MGST2: variants seen among roughly 807,000 people sequenced by gnomAD.
MGST2 encodes glutathione peroxidase MGST2.
A neutral mutation model predicts 16.6 loss-of-function variants in MGST2; 9 were observed. The observed-to-expected ratio is 0.54, with a 90% CI of 0.33 to 0.95. The LOEUF (loss-of-function observed/expected upper bound fraction) is 0.95. Among genes scored for constraint, MGST2 ranks in the 40% least tolerant of loss-of-function variants. The probability of loss-of-function intolerance (pLI) is 0.03; values close to 1 mark genes in which losing one functional copy is unlikely to be tolerated. For missense variants in MGST2, 159 were observed against 175.1 expected, an observed-to-expected ratio of 0.91 and a Z score of 0.52; for synonymous variants, 79 against 68.0, an observed-to-expected ratio of 1.16 and a Z score of -0.79.
chr4:139,735,892 C>T lies in MGST2; in HGVS notation c.*49-4320C>T, dbSNP rs1448711003. 6.6e-6 allele frequency among the ~76,000 whole-genome samples: 1 copy of T among 151,712 alleles called. No individual in the cohort carries two copies. ...GCGCTCGGGAGACCCGCGAGGGGCC[C>T]TGGAGGTCCTCGGCCCGCGCGCGCC... On this transcript the variant is annotated intron_variant, in intron 5 of 5. Transcript: ENST00000616265. The surrounding 1 kb of genome is among the most constrained non-coding windows in gnomAD (Gnocchi z 5.8).
At chr4:139,728,372 C>T (rs1728563100) in intron 5 of MGST2, among the ~76,000 whole-genome samples, 1 of 152,236 alleles carries the variant, frequency 6.6e-6, no homozygotes, top group Admixed American at 6.5e-5. Flanking sequence ...TTCGCTGACA[C>T]CAGGGCCACG....
Position 139,704,117 on chromosome 4 carries a change from A to T in MGST2, c.413A>T (p.Asn138Ile). ...NSFLDEYLDL[N>I]IAKKLRRQF ...TTTCTGGATGAATATCTGGACCTCA[A>T]TATTGCCAAGAAACTGAGGCGGCAA... The change falls in exon 5 of 5, where the codon AAT becomes ATT. Residue 138 changes from asparagine to isoleucine, a missense_variant. Asn to Ile is a moderately radical substitution (Grantham distance 149). Transcript: ENST00000265498. The T allele has an allele frequency of 6.2e-7, 1 of 1,614,168 alleles. No homozygotes were observed. The highest frequency in any genetic ancestry group is 8.5e-7 in the Non-Finnish European group (1 of 1,180,040).
chr4:139,725,605 G>A, intron 5 of MGST2: 1 of 791,626 alleles, frequency 1.3e-6, no homozygotes, highest in South Asian at 1.5e-5. Flanking sequence ...ATTCTGATTG[G>A]TTAGTACTCT....
At chr4:139,669,360 C>A (rs1730543962) in intron 1 of MGST2, among the ~76,000 whole-genome samples, 1 of 152,190 alleles carries the variant, frequency 6.6e-6, no homozygotes. Context: ...GGAGTCGGGA[C>A]ACCATGTGCC....
intron 5 of MGST2, among the ~76,000 whole-genome samples, chr4:139,731,787 A>G (rs188303209): frequency 1.3e-5 from 2 of 152,350 alleles, no homozygotes; most frequent in East Asian, 3.9e-4. Flanking sequence ...CACACAGCCC[A>G]GGTGACTACA....
chr4:139,701,125 A>G (rs1317257883), intron 3 of MGST2, among the ~76,000 whole-genome samples: 1 of 152,142 alleles, frequency 6.6e-6, no homozygotes, highest in Non-Finnish European at 1.5e-5. Context: ...TGGTAATGGG[A>G]CTCTGTCTCT....
downstream of MGST2, among the ~76,000 whole-genome samples, chr4:139,745,656 A>G (rs1185261080): frequency 6.6e-6 from 1 of 152,240 alleles, no homozygotes; most frequent in Non-Finnish European, 1.5e-5. Context: ...TGGCTACCAG[A>G]AACCTGGCAG....
At chr4:139,736,676 A>C (rs1213206689) in intron 5 of MGST2, among the ~76,000 whole-genome samples, 1 of 152,236 alleles carries the variant, frequency 6.6e-6, no homozygotes, top group Non-Finnish European at 1.5e-5. Context: ...GTGTGGTTCC[A>C]GGATCAAATG....
the MGST2 span, among the ~76,000 whole-genome samples, chr4:139,748,612 C>T: frequency 6.6e-6 from 1 of 151,944 alleles, no homozygotes; most frequent in Non-Finnish European, 1.5e-5. Context: ...CGGCTCAGTC[C>T]CCCAAATCAG....
At chr4:139,674,741 A>G (rs990959270) in intron 1 of MGST2, among the ~76,000 whole-genome samples, 16 of 152,142 alleles carry the variant, frequency 1.1e-4, no homozygotes, top group Non-Finnish European at 1.8e-4. Context: ...AGATCATGCC[A>G]CTGCACTCCA....
intron 1 of MGST2, among the ~76,000 whole-genome samples, chr4:139,669,575 C>T (rs1425806767): frequency 6.6e-6 from 1 of 152,210 alleles, no homozygotes; most frequent in East Asian, 1.9e-4. Context: ...TCCTAAGGTC[C>T]TTCTTCGAAG....
chr4:139,678,684 C>T, intron 2 of MGST2, 42 bp downstream of exon 2: 4 of 1,419,170 alleles, frequency 2.8e-6, no homozygotes, highest in Non-Finnish European at 4.0e-6. Flanking sequence ...CTGTGCCTGC[C>T]ATACAGACAC....
chr4:139,714,424 T>C (rs1727858845), intron 5 of MGST2, among the ~76,000 whole-genome samples: 1 of 152,214 alleles, frequency 6.6e-6, no homozygotes, highest in Non-Finnish European at 1.5e-5. Flanking sequence ...CATGCTAAGC[T>C]TCTGGGTTCT....
chr4:139,726,473 T>C (rs1728476501), intron 5 of MGST2, among the ~76,000 whole-genome samples: 1 of 152,188 alleles, frequency 6.6e-6, no homozygotes, highest in Non-Finnish European at 1.5e-5. Flanking sequence ...GAATGCGTGC[T>C]GAGGGAAGGG....
At chr4:139,695,002 T>A (rs1482516480) in intron 2 of MGST2, among the ~76,000 whole-genome samples, 195 bp from the exon 3 acceptor site, 2 of 152,214 alleles carry the variant, frequency 1.3e-5, no homozygotes, top group Non-Finnish European at 2.9e-5. Context: ...TAAGAGAATA[T>A]TCTTGGCCCT....
intron 5 of MGST2, chr4:139,730,861 A>C: frequency 1.7e-6 from 1 of 602,510 alleles, no homozygotes; most frequent in African/African-American, 1.9e-5. Context: ...GAGAGAGGCC[A>C]CAAGGGACAG....
intron 1 of MGST2, among the ~76,000 whole-genome samples, chr4:139,672,665 C>A (rs1031396565): frequency 6.6e-6 from 1 of 151,480 alleles, no homozygotes; most frequent in African/African-American, 2.4e-5. Context: ...AATCTCCTGT[C>A]TCAGCCTCCT....
chr4:139,670,881 T>C (rs1349798394), intron 1 of MGST2, among the ~76,000 whole-genome samples: 2 of 147,542 alleles, frequency 1.4e-5, no homozygotes, highest in South Asian at 2.1e-4. Flanking sequence ...CACTCCAGAC[T>C]GGGTGAGAGT....
chr4:139,689,635 A>T (rs1006707564), intron 2 of MGST2, among the ~76,000 whole-genome samples: 12 of 152,198 alleles, frequency 7.9e-5, no homozygotes, highest in Non-Finnish European at 1.5e-4. Flanking sequence ...AGTCACCTAA[A>T]CAAGAAGAGA....
Sources: allele counts gnomAD v4.1 joint callset (sites outside exome capture counted in the v4.1 genomes callset), GRCh38; gene constraint gnomAD v4.1.1; non-coding constraint Gnocchi (gnomAD v3.1); transcripts MANE v1.5; gene names NCBI Gene and HGNC (gene_info 2026-07-23, HGNC 2026-07-21).